Variants in SIK3 observed in about 807,000 individuals in gnomAD.
The protein encoded by SIK3 is serine/threonine-protein kinase SIK3.
SIK3 carries 28 observed loss-of-function variants against 144.2 expected under a neutral mutation model. The ratio of observed to expected loss-of-function variants is 0.19; its 90% CI spans 0.14 to 0.27. SIK3 has a LOEUF of 0.27. Ranked by LOEUF, SIK3 falls within the 10% of genes least tolerant of loss-of-function variation. The pLI is 1.00. For missense variants in SIK3, 1,319 were observed against 1,776.0 expected, an observed-to-expected ratio of 0.74 and a Z score of 4.62; for synonymous variants, 686 against 676.3, an observed-to-expected ratio of 1.01 and a Z score of -0.22.
At chr11:117,049,577 C>CA (rs936972501) in intron 1 of SIK3, among the ~76,000 whole-genome samples, 29 of 147,420 alleles carry the variant, frequency 2.0e-4, no homozygotes, top group Admixed American at 3.4e-4. Flanking sequence ...GGCTCCATCT[C>CA]AAAAAAAAAG....
intron 21 of SIK3, among the ~76,000 whole-genome samples, chr11:116,855,057 G>C (rs546580121): frequency 7.5e-6 from 1 of 132,876 alleles, no homozygotes; most frequent in East Asian, 2.3e-4. Context: ...CTGCACTCCA[G>C]CATGGGTGAC....
At position 116,862,406 on chromosome 11, in the gene SIK3, C is replaced by T. The variant is rs575722185; in HGVS notation, c.2104-79G>A. 32 of 1,578,350 alleles carry T rather than the reference C, an allele frequency of 2.0e-5. No homozygotes were observed. In the South Asian group the frequency reaches 3.6e-4, roughly 18 times the overall value. On this transcript the variant is annotated intron_variant, in intron 16 of 24. Transcript: ENST00000445177. Reference sequence around the variant, plus strand: ...GTGATTTCAGCAGATGCAGATCTGCCTCCAAGCTCTCATGGGCAGAAAGAG... The same window carrying T: ...GTGATTTCAGCAGATGCAGATCTGCTTCCAAGCTCTCATGGGCAGAAAGAG...
chr11:116,952,804 T>C (rs1948989558), intron 3 of SIK3, among the ~76,000 whole-genome samples: 1 of 152,218 alleles, frequency 6.6e-6, no homozygotes, highest in Non-Finnish European at 1.5e-5. Context: ...CCAAGGCACA[T>C]GATTGGCATA....
At chr11:116,939,866 GATT>G (rs1217731954) in intron 3 of SIK3, among the ~76,000 whole-genome samples, 3 of 152,176 alleles carry the variant, frequency 2.0e-5, no homozygotes, top group Admixed American at 1.3e-4. Flanking sequence ...GGTTGTCACA[GATT>G]ATTTAAAAAT....
intron 1 of SIK3, among the ~76,000 whole-genome samples, chr11:117,036,779 T>C (rs1333815767): frequency 6.6e-6 from 1 of 152,114 alleles, no homozygotes; most frequent in Non-Finnish European, 1.5e-5. Flanking sequence ...ATGAAATAAC[T>C]CAGATGAAAG....
rs531248990 is a variant in SIK3 at position 117,028,546 on chromosome 11, G to A, written c.273+69597C>T. 2.0e-5 allele frequency among the ~76,000 whole-genome samples: 3 copies of A among 152,208 alleles called. No individual in the cohort carries two copies. The South Asian group carries it at 6.2e-4, about 32-fold the overall frequency. ...AAGCCCTTAACAATTCCTATAGAGG[G>A]CTTGCTTTCCATAGGAGGTTATGAT... On this transcript the variant is annotated intron_variant, in intron 1 of 24. Coordinates refer to ENST00000445177, the MANE Select transcript of SIK3 (RefSeq NM_001366686.3).
chr11:116,881,881 C>G (rs999102570), intron 6 of SIK3, among the ~76,000 whole-genome samples: 2 of 152,142 alleles, frequency 1.3e-5, no homozygotes, highest in Non-Finnish European at 2.9e-5. Flanking sequence ...ATACTATTAT[C>G]TCAATTTTAT....
intron 1 of SIK3, among the ~76,000 whole-genome samples, chr11:117,082,660 G>A (rs1954838751): frequency 6.6e-6 from 1 of 152,150 alleles, no homozygotes; most frequent in Non-Finnish European, 1.5e-5. Flanking sequence ...TGGGTACCAT[G>A]CTTCTTTTAA....
At chr11:117,052,946 T>C (rs1953328027) in intron 1 of SIK3, among the ~76,000 whole-genome samples, 1 of 152,182 alleles carries the variant, frequency 6.6e-6, no homozygotes, top group East Asian at 1.9e-4. Context: ...CATCTGATTG[T>C]TTACTGGGTC....
chr11:117,049,402 A>T (rs937214598), intron 1 of SIK3, among the ~76,000 whole-genome samples: 1 of 152,054 alleles, frequency 6.6e-6, no homozygotes, highest in Non-Finnish European at 1.5e-5. Flanking sequence ...ACACAGTGAA[A>T]CACCATCTCT....
At chr11:116,860,547 A>G (rs558100994) in intron 19 of SIK3, among the ~76,000 whole-genome samples, 123 of 152,334 alleles carry the variant, frequency 8.1e-4, no homozygotes, top group African/African-American at 2.8e-3. Flanking sequence ...AGGCATGTCT[A>G]TAAGGAAGGT....
In SIK3 at chr11:116,850,493, A is replaced by C. The variant is rs540703099; in HGVS notation, c.3656-1210T>G. ...TTATCATATGCTATTGTTTTTATTA[A>C]ACTTTTCCTTTCAAACAGAAATAGA... On this transcript the variant is annotated intron_variant, in intron 21 of 24. Transcript: ENST00000445177. Among the ~76,000 whole-genome samples the C allele has an allele frequency of 6.6e-5, 10 of 152,332 alleles. No individual in the cohort carries two copies. The East Asian group carries it at 1.9e-3, about 29-fold the overall frequency.
At chr11:117,072,350 G>A (rs116582417) in intron 1 of SIK3, among the ~76,000 whole-genome samples, 10,148 of 151,710 alleles carry the variant, frequency 0.067, 397 homozygotes, top group Middle Eastern at 0.1. Context: ...ATCATGCCAC[G>A]GCACTCCAGC....
At chr11:116,925,090 G>A (rs182774310) in intron 4 of SIK3, among the ~76,000 whole-genome samples, 37 of 152,192 alleles carry the variant, frequency 2.4e-4, no homozygotes, top group African/African-American at 7.9e-4. Flanking sequence ...AGACCAGCAC[G>A]GCCAACATGG....
intron 16 of SIK3, 24 bp from the exon 17 acceptor site, chr11:116,862,351 G>C (rs1348759080): frequency 1.2e-6 from 2 of 1,613,924 alleles, no homozygotes; most frequent in Non-Finnish European, 1.7e-6. Flanking sequence ...AGTTAATACA[G>C]ATGGGATGCA....
chr11:117,029,065 C>G (rs1014100197), intron 1 of SIK3, among the ~76,000 whole-genome samples: 1 of 152,066 alleles, frequency 6.6e-6, no homozygotes, highest in Non-Finnish European at 1.5e-5. Context: ...CCCGCCACTA[C>G]GCCCGGCTAA....
intron 21 of SIK3, chr11:116,855,192 T>C (rs764583839): frequency 1.1e-4 from 17 of 151,836 alleles, no homozygotes. Flanking sequence ...AATGCCTTCA[T>C]GTACACTGTA....
rs1944647253 is a variant in SIK3, at chr11:116,883,374, C to G, written c.866-6332G>C. Among the ~76,000 whole-genome samples, 3 of 152,186 alleles carry G rather than the reference C, an allele frequency of 2.0e-5. No homozygotes were observed. In the South Asian group the frequency reaches 6.2e-4, roughly 32 times the overall value. On this transcript the variant is annotated intron_variant, in intron 6 of 24. Coordinates refer to ENST00000445177, the MANE Select transcript of SIK3 (RefSeq NM_001366686.3). Reference sequence around the variant, plus strand: ...AACATGGACAGAACAGTGTGACTATCTTGCAGTGCTATGATCCCTGCAGAA... The same window carrying G: ...AACATGGACAGAACAGTGTGACTATGTTGCAGTGCTATGATCCCTGCAGAA...
intron 1 of SIK3, among the ~76,000 whole-genome samples, chr11:117,039,686 T>C (rs1046713083): frequency 6.6e-6 from 1 of 152,240 alleles, no homozygotes; most frequent in Non-Finnish European, 1.5e-5. Flanking sequence ...GTATCATAAG[T>C]AACATTTGTT....
Sources: allele counts gnomAD v4.1 joint callset (sites outside exome capture counted in the v4.1 genomes callset), GRCh38; gene constraint gnomAD v4.1.1; transcripts MANE v1.5; gene names NCBI Gene and HGNC (gene_info 2026-07-23, HGNC 2026-07-21).